SLC22A16: variants seen among roughly 807,000 people sequenced by gnomAD.
SLC22A16 encodes solute carrier family 22 member 16.
Under a neutral mutation model 52.9 loss-of-function variants are expected in SLC22A16, and 53 were observed. The observed-to-expected ratio is 1.00, with a 90% CI of 0.80 to 1.26. SLC22A16 has a LOEUF of 1.26. Among genes scored for constraint, SLC22A16 ranks in the 50% most tolerant of loss-of-function variants. The pLI is 0.00. For missense variants in SLC22A16, 726 were observed against 704.0 expected (o/e 1.03, Z -0.35); for synonymous variants, 291 against 268.8 (o/e 1.08, Z -0.81).
At chr6:110,439,255 T>A (rs1774868267) in intron 4 of SLC22A16, among the ~76,000 whole-genome samples, 1 of 152,244 alleles carries the variant, frequency 6.6e-6, no homozygotes, top group African/African-American at 2.4e-5. Flanking sequence ...GTGTTTGTCT[T>A]TGGAAACATT....
chr6:110,463,696 A>T (rs1197736935), intron 1 of SLC22A16, among the ~76,000 whole-genome samples: 1 of 151,886 alleles, frequency 6.6e-6, no homozygotes, highest in African/African-American at 2.4e-5. Context: ...AGAGTGAGGG[A>T]CTTTCAATAC....
intron 1 of SLC22A16, among the ~76,000 whole-genome samples, chr6:110,458,804 G>A (rs926450672): frequency 6.6e-6 from 1 of 152,164 alleles, no homozygotes; most frequent in African/African-American, 2.4e-5. Context: ...ATATTCTCTG[G>A]TTCTCAAATA....
chr6:110,430,992 G>A (rs1054762019), intron 7 of SLC22A16, among the ~76,000 whole-genome samples, 179 bp downstream of exon 7: 10 of 152,206 alleles, frequency 6.6e-5, no homozygotes, highest in Admixed American at 6.5e-4. Context: ...ATGGCCAATC[G>A]CACAGCAGCC....
chr6:110,438,445 G>A (rs1774823303), intron 5 of SLC22A16, among the ~76,000 whole-genome samples: 1 of 151,894 alleles, frequency 6.6e-6, no homozygotes, highest in Non-Finnish European at 1.5e-5. Context: ...CCTACCCTCA[G>A]CCTCTTGAGT....
At chr6:110,473,243 C>CT (rs1776321069) in intron 1 of SLC22A16, among the ~76,000 whole-genome samples, 1 of 152,176 alleles carries the variant, frequency 6.6e-6, no homozygotes, top group South Asian at 2.1e-4. Flanking sequence ...AACCCTACCT[C>CT]TATCCATTGA....
At chr6:110,476,351 A>G (rs1776477233) in intron 1 of SLC22A16, 171 bp downstream of exon 1, 2 of 1,379,848 alleles carry the variant, frequency 1.4e-6, no homozygotes, top group Non-Finnish European at 1.9e-6. Flanking sequence ...CTAGAGGAGA[A>G]GCCCAGCTAG....
intron 1 of SLC22A16, 74 bp downstream of exon 1, chr6:110,476,448 C>G: frequency 7.0e-7 from 1 of 1,432,456 alleles, no homozygotes; most frequent in South Asian, 1.5e-5. Context: ...CGCGCGAGAA[C>G]CCCGCCGCAA....
rs1343232322 is a variant in SLC22A16 at position 110,446,813 on chromosome 6, G to C, written c.651+60C>G. On this transcript the variant is annotated intron_variant, in intron 3 of 7. Coordinates refer to ENST00000368919, the MANE Select transcript of SLC22A16 (RefSeq NM_033125.4). Reference sequence around the variant, plus strand: ...AGATCTTAAATGAGCAAAATGATGAGAGTTAAGGTTTCCTATGAAAAACTG... The same window carrying C: ...AGATCTTAAATGAGCAAAATGATGACAGTTAAGGTTTCCTATGAAAAACTG... 11 of 1,435,270 alleles carry C rather than the reference G, an allele frequency of 7.7e-6. No individual in the cohort carries two copies. In the East Asian group the frequency reaches 1.4e-4, roughly 18 times the overall value. The allele number at this position is 1,435,270 out of a possible 1,614,324, so 88.9% of individuals were successfully genotyped here. A position where few individuals can be genotyped will look rare whatever the true frequency, so the allele number is the denominator to read the frequency against.
Position 110,468,700 on chromosome 6 carries a change from A to G in SLC22A16, c.53+7822T>C, listed in dbSNP as rs143029380. Among the ~76,000 whole-genome samples the G allele has an allele frequency of 3.8e-3, 574 of 152,202 alleles. 4 individuals are homozygous for G. Among genetic ancestry groups the G allele is most frequent in the African/African-American group, 0.013 (538 of 41,542 alleles). On this transcript the variant is annotated intron_variant, in intron 1 of 7. Coordinates refer to ENST00000368919, the MANE Select transcript of SLC22A16 (RefSeq NM_033125.4). ...GAAGAAGAAGAAGAAAAAGAAAAAA[A>G]GAAATCAGCCTCAGTCCATCCTAGA... is the stretch of plus-strand genomic sequence containing the variant.
intron 7 of SLC22A16, among the ~76,000 whole-genome samples, chr6:110,428,861 A>G (rs1265015414): frequency 6.6e-6 from 1 of 152,196 alleles, no homozygotes; most frequent in African/African-American, 2.4e-5. Flanking sequence ...TGGAGGTTGC[A>G]GTGAGCTGGG....
At chr6:110,461,236 T>C (rs1452182294) in intron 1 of SLC22A16, among the ~76,000 whole-genome samples, 1 of 152,218 alleles carries the variant, frequency 6.6e-6, no homozygotes, top group Non-Finnish European at 1.5e-5. Context: ...AAAGAGGCTC[T>C]GACCCGAGGC....
At chr6:110,449,921 C>G (rs1036766004) in intron 2 of SLC22A16, among the ~76,000 whole-genome samples, 9 of 152,222 alleles carry the variant, frequency 5.9e-5, no homozygotes, top group African/African-American at 2.2e-4. Flanking sequence ...CTTTCACAAT[C>G]TGCCCTTCTC....
At chr6:110,450,492 G>A (rs1232261378) in intron 2 of SLC22A16, among the ~76,000 whole-genome samples, 2 of 151,302 alleles carry the variant, frequency 1.3e-5, no homozygotes, top group Admixed American at 6.6e-5. Context: ...CATGCCTGTA[G>A]TCCCAGCTAC....
chr6:110,425,681 G>A (rs530732060), intron 7 of SLC22A16, among the ~76,000 whole-genome samples: 4 of 152,326 alleles, frequency 2.6e-5, no homozygotes, highest in African/African-American at 4.8e-5. Context: ...TATACAGTTC[G>A]GTGTGATTTC....
intron 3 of SLC22A16, among the ~76,000 whole-genome samples, chr6:110,444,273 GT>G (rs1775084615): frequency 6.6e-6 from 1 of 152,078 alleles, no homozygotes; most frequent in Admixed American, 6.6e-5. Context: ...CCATTGATGG[GT>G]TTTTTGGGAG....
intron 6 of SLC22A16, among the ~76,000 whole-genome samples, chr6:110,435,536 C>A (rs1774689487): frequency 6.6e-6 from 1 of 152,188 alleles, no homozygotes; most frequent in Non-Finnish European, 1.5e-5. Flanking sequence ...ACACAATTGG[C>A]ATCAGAACAT....
At chr6:110,445,036 C>T (rs1775114675) in intron 3 of SLC22A16, among the ~76,000 whole-genome samples, 1 of 152,112 alleles carries the variant, frequency 6.6e-6, no homozygotes, top group Non-Finnish European at 1.5e-5. Context: ...CCACTCACAC[C>T]CATCCCTTCC....
intron 3 of SLC22A16, 150 bp from the exon 4 acceptor site, chr6:110,442,925 A>G (rs557327874): frequency 1.3e-5 from 9 of 717,602 alleles, no homozygotes; most frequent in Non-Finnish European, 2.0e-5. Flanking sequence ...ATGACATTCA[A>G]TCCGATCTAT....
At chr6:110,438,634 CCTT>C in intron 5 of SLC22A16, 83 bp downstream of exon 5, 28 of 1,413,418 alleles carry the variant, frequency 2.0e-5, no homozygotes, top group Non-Finnish European at 2.7e-5. Context: ...TCTGAATTGA[CCTT>C]CATACTTAAC....
Sources: allele counts gnomAD v4.1 joint callset (sites outside exome capture counted in the v4.1 genomes callset), GRCh38; gene constraint gnomAD v4.1.1; transcripts MANE v1.5; gene names NCBI Gene and HGNC (gene_info 2026-07-23, HGNC 2026-07-21).